The following ADAMTS17 variants were observed in gnomAD, a reference collection of about 807,000 sequenced individuals.
ADAMTS17 encodes the protein A disintegrin and metalloproteinase with thrombospondin motifs 17.
In ADAMTS17, 113 loss-of-function variants were observed where a neutral mutation model predicts 141.5. That is an observed-to-expected ratio of 0.80 (90% CI 0.69 to 0.93). The LOEUF (loss-of-function observed/expected upper bound fraction) is 0.93. Among genes scored for constraint, ADAMTS17 ranks in the 40% least tolerant of loss-of-function variants. ADAMTS17 has a pLI of 0.00. For missense variants in ADAMTS17, 1,659 were observed against 1,517.9 expected, an observed-to-expected ratio of 1.09 and a Z score of -1.54; for synonymous variants, 768 against 630.6, an observed-to-expected ratio of 1.22 and a Z score of -3.27.
intron 12 of ADAMTS17, among the ~76,000 whole-genome samples, chr15:100,126,629 T>C (rs2037749088): frequency 1.3e-5 from 2 of 152,212 alleles, no homozygotes; most frequent in Non-Finnish European, 2.9e-5. Flanking sequence ...TCTGCCACTT[T>C]TGGCCTAATC....
In ADAMTS17 at chr15:100,131,997, G is replaced by T; in HGVS notation, c.1721+10C>A. On this transcript the variant is annotated intron_variant, in intron 12 of 21. Coordinates refer to ENST00000268070, the MANE Select transcript of ADAMTS17 (RefSeq NM_139057.4). Reference sequence around the variant, plus strand: ...TGGCACGTTGGGGTATGGCTGGTCAGGGGACTTACGGGGGGTTGTCACATT... The same window carrying T: ...TGGCACGTTGGGGTATGGCTGGTCATGGGACTTACGGGGGGTTGTCACATT... 6.2e-7 allele frequency: 1 copy of T among 1,614,186 alleles called. No individual in the cohort carries two copies. The highest frequency in any genetic ancestry group is 2.2e-5 in the East Asian group (1 of 44,878).
At chr15:100,058,198 G>A (rs2032774383) in intron 15 of ADAMTS17, among the ~76,000 whole-genome samples, 1 of 47,314 alleles carries the variant, frequency 2.1e-5, no homozygotes, top group African/African-American at 6.3e-5. Flanking sequence ...CCCTATCCCA[G>A]CTCCAACACC....
At chr15:100,009,973 G>A (rs541859966) in intron 18 of ADAMTS17, among the ~76,000 whole-genome samples, 3 of 152,170 alleles carry the variant, frequency 2.0e-5, no homozygotes, top group Middle Eastern at 3.2e-3. Flanking sequence ...CCCATGTGTC[G>A]TGGGAGGGAC....
At chr15:100,339,529 C>T (rs1884457200) in intron 2 of ADAMTS17, among the ~76,000 whole-genome samples, 1 of 152,064 alleles carries the variant, frequency 6.6e-6, no homozygotes. Flanking sequence ...TGATCTGAGC[C>T]TTTCTCACTC....
At chr15:100,057,015 C>T (rs1423377451) in intron 15 of ADAMTS17, among the ~76,000 whole-genome samples, 2 of 152,016 alleles carry the variant, frequency 1.3e-5, no homozygotes, top group African/African-American at 4.8e-5. Context: ...GGAGAGGAGA[C>T]AACGCCACCC....
At chr15:100,131,914 G>C (rs1465644905) in intron 12 of ADAMTS17, 93 bp downstream of exon 12, 4 of 1,587,504 alleles carry the variant, frequency 2.5e-6, no homozygotes, top group Non-Finnish European at 3.5e-6. Flanking sequence ...ATGCTCAGCG[G>C]GAGACAGACC....
intron 9 of ADAMTS17, among the ~76,000 whole-genome samples, chr15:100,154,369 A>G (rs1158043541): frequency 6.6e-6 from 1 of 152,206 alleles, no homozygotes; most frequent in African/African-American, 2.4e-5. Flanking sequence ...CCCCATGAAC[A>G]AGGAACGTCA....
intron 7 of ADAMTS17, among the ~76,000 whole-genome samples, chr15:100,236,456 T>C (rs12592822): frequency 0.45 from 68,453 of 151,852 alleles, 15,922 homozygotes; most frequent in Middle Eastern, 0.58. Flanking sequence ...GAGTCCTCCA[T>C]GTGATCCAGA....
intron 18 of ADAMTS17, among the ~76,000 whole-genome samples, chr15:100,025,728 A>T (rs1048841682): frequency 6.6e-6 from 1 of 152,040 alleles, no homozygotes; most frequent in Non-Finnish European, 1.5e-5. Flanking sequence ...AGAAAAAGAA[A>T]ATTTTTTTCT....
chr15:100,234,020 T>C (rs912429461), intron 7 of ADAMTS17, among the ~76,000 whole-genome samples: 1 of 152,086 alleles, frequency 6.6e-6, no homozygotes, highest in African/African-American at 2.4e-5. Context: ...GGCTTAAAAG[T>C]AACCCTCTGC....
At chr15:100,289,503 T>G (rs1262928899) in intron 3 of ADAMTS17, among the ~76,000 whole-genome samples, 1 of 151,870 alleles carries the variant, frequency 6.6e-6, no homozygotes, top group East Asian at 1.9e-4. Flanking sequence ...AGCATCATTC[T>G]GATGCCAAAA....
chr15:100,088,204 CAGAG>C (rs1409792924), intron 15 of ADAMTS17, among the ~76,000 whole-genome samples: 1 of 152,134 alleles, frequency 6.6e-6, no homozygotes, highest in Non-Finnish European at 1.5e-5. Flanking sequence ...AACAGACAAA[CAGAG>C]AGCCAAATCA....
At chr15:100,022,913 T>C (rs1381935036) in intron 18 of ADAMTS17, among the ~76,000 whole-genome samples, 1 of 152,244 alleles carries the variant, frequency 6.6e-6, no homozygotes, top group East Asian at 1.9e-4. Context: ...CTCATCCATA[T>C]GCTTTTGAGA....
intron 2 of ADAMTS17, among the ~76,000 whole-genome samples, chr15:100,338,577 G>A (rs1212040986): frequency 1.3e-5 from 2 of 152,108 alleles, no homozygotes; most frequent in Non-Finnish European, 2.9e-5. Context: ...AGGCTATGTG[G>A]CCCCCAAAGC....
chr15:100,308,684 C>T (rs2045306051), intron 3 of ADAMTS17, among the ~76,000 whole-genome samples: 1 of 152,140 alleles, frequency 6.6e-6, no homozygotes, highest in African/African-American at 2.4e-5. Context: ...AAAACAGAAT[C>T]CCGGGCTTAG....
At chr15:100,305,481 T>C (rs2045191448) in intron 3 of ADAMTS17, among the ~76,000 whole-genome samples, 1 of 152,228 alleles carries the variant, frequency 6.6e-6, no homozygotes, top group Non-Finnish European at 1.5e-5. Context: ...TGCCAAGACC[T>C]GTGTGCACAA....
chr15:100,050,272 C>G (rs1228186779), intron 17 of ADAMTS17, among the ~76,000 whole-genome samples: 2 of 152,218 alleles, frequency 1.3e-5, no homozygotes, highest in Non-Finnish European at 2.9e-5. Context: ...CCCCTGACCC[C>G]AGGAGAGCCT....
chr15:99,995,911 C>G (rs966829999), intron 19 of ADAMTS17, among the ~76,000 whole-genome samples: 1 of 152,206 alleles, frequency 6.6e-6, no homozygotes, highest in Non-Finnish European at 1.5e-5. Context: ...CACATAGATA[C>G]AGACACAGAG....
chr15:100,031,963 A>T (rs1807712103), intron 18 of ADAMTS17, among the ~76,000 whole-genome samples: 1 of 152,236 alleles, frequency 6.6e-6, no homozygotes, highest in Non-Finnish European at 1.5e-5. Context: ...GGAAGACTAA[A>T]GAAACAGAGT....
Sources: allele counts gnomAD v4.1 joint callset (sites outside exome capture counted in the v4.1 genomes callset), GRCh38; gene constraint gnomAD v4.1.1; transcripts MANE v1.5; gene names NCBI Gene and HGNC (gene_info 2026-07-23, HGNC 2026-07-21).